The following CYB5R1 variants were observed in gnomAD, a reference collection of about 807,000 sequenced individuals.
CYB5R1 encodes cytochrome b5 reductase 1.
CYB5R1 carries 32 observed loss-of-function variants against 37.4 expected under a neutral mutation model. The observed-to-expected ratio is 0.86, with a 90% CI of 0.65 to 1.15. CYB5R1 has a LOEUF of 1.15. Ranked by LOEUF, CYB5R1 falls within the 50% of genes most tolerant of loss-of-function variation. The pLI is 0.00. For synonymous variants in CYB5R1, 159 were observed against 155.2 expected (o/e 1.02, Z -0.18); for missense variants, 345 against 382.5 (o/e 0.90, Z 0.82).
In CYB5R1 at chr1:202,965,886, C is replaced by A. The variant is rs1403986974; in HGVS notation, c.345+1G>T. The A allele has an allele frequency of 6.2e-7, 1 of 1,603,798 alleles. No individual in the cohort carries two copies. Among genetic ancestry groups the A allele is most frequent in the Non-Finnish European group, 8.5e-7 (1 of 1,170,616 alleles). ...CCCTGGGTCCCTTCCTAGCCCCTTA[C>A]CTTGATGACAAGATCCACATAGCCT... On this transcript the variant is annotated splice_donor_variant, in intron 4 of 8. Transcript: ENST00000367249. LOFTEE classifies it high-confidence loss of function.
rs770048767 is a variant in CYB5R1, at chr1:202,965,402, C to T, written c.444G>A (p.Gly148=). 1.2e-6 allele frequency: 2 copies of T among 1,600,294 alleles called. No homozygotes were observed. Among genetic ancestry groups the T allele is most frequent in the Non-Finnish European group, 1.7e-6 (2 of 1,173,606 alleles). ...LKVGDVVEFR[G]PSGLLTYTGK... ...CAGTGTAAGTGAGCAACCCGCTTGGCCCCCGAAACTCCACCACATCCCCAA... is the reference window on the plus strand; with the variant it reads ...CAGTGTAAGTGAGCAACCCGCTTGGTCCCCGAAACTCCACCACATCCCCAA... Residue 148 remains glycine, a synonymous_variant, in exon 5 of 9, where the codon GGG becomes GGA. Transcript: ENST00000367249.
intron 8 of CYB5R1, 68 bp from the exon 9 acceptor site, chr1:202,962,767 G>A: frequency 6.4e-7 from 1 of 1,564,866 alleles, no homozygotes; most frequent in Non-Finnish European, 8.7e-7. Flanking sequence ...GTGGTGCCAT[G>A]AGACTGGGGA....
At position 202,964,743 on chromosome 1, in the gene CYB5R1, C is replaced by A. The variant is rs775870278; in HGVS notation, c.476-48G>T. On this transcript the variant is annotated intron_variant, in intron 5 of 8. Transcript: ENST00000367249. ...CAGTGGAAGAATAAAGTCAATACAG[C>A]GAACTTAGAAAACAAATGCAGAGTT... The A allele has an allele frequency of 6.6e-6, 9 of 1,371,274 alleles. No homozygotes were observed. In the African/African-American group the frequency reaches 8.6e-5, roughly 13 times the overall value. 84.9% of individuals were successfully genotyped at this position (1,371,274 alleles called of 1,614,324 possible). A position where few individuals can be genotyped will look rare whatever the true frequency, so the allele number is the denominator to read the frequency against.
intron 8 of CYB5R1, 66 bp from the exon 9 acceptor site, chr1:202,962,765 A>G (rs1571576399): frequency 4.4e-6 from 7 of 1,579,158 alleles, no homozygotes; most frequent in East Asian, 2.3e-5. Flanking sequence ...GTGTGGTGCC[A>G]TGAGACTGGG....
Position 202,962,573 on chromosome 1 carries a change from T to C in CYB5R1, c.872A>G (p.Asn291Ser), listed in dbSNP as rs1038934709. The C allele has an allele frequency of 2.5e-6, 4 of 1,613,518 alleles. No individual in the cohort carries two copies. The highest frequency in any genetic ancestry group is 3.4e-6 in the Non-Finnish European group (4 of 1,179,832). Residue 291 changes from asparagine to serine, a missense_variant, in exon 9 of 9, where the codon AAC (asparagine) becomes AGC (serine). Coordinates refer to ENST00000367249, the MANE Select transcript of CYB5R1 (RefSeq NM_016243.3). ...PPMVQLACHPNLDKLGYSQKM... is the reference protein window; with the variant it reads ...PPMVQLACHPSLDKLGYSQKM... ...TTGTGAGTAGCCCAGTTTGTCCAAG[T>C]TGGGATGGCAGGCCAGCTGCACCAT...
Position 202,962,379 on chromosome 1 carries a change from T to G in CYB5R1, c.*148A>C. Reference sequence around the variant, plus strand: ...TGGCCCTCTTCCATGGCTACAGGAATATTGTTCCTGCAGGTACTATCCAGA... The same window carrying G: ...TGGCCCTCTTCCATGGCTACAGGAAGATTGTTCCTGCAGGTACTATCCAGA... On this transcript the variant is annotated 3_prime_UTR_variant, in exon 9 of 9. Transcript: ENST00000367249. 1 of 989,104 alleles carries G rather than the reference T, an allele frequency of 1.0e-6. No individual in the cohort carries two copies. The highest frequency in any genetic ancestry group is 2.5e-5 in the East Asian group (1 of 40,010). 61.3% of individuals were successfully genotyped at this position (989,104 alleles called of 1,614,324 possible).
chr1:202,966,919 G>C (rs201743342), intron 1 of CYB5R1, 21 bp from the exon 2 acceptor site: 13 of 1,584,480 alleles, frequency 8.2e-6, no homozygotes, highest in Non-Finnish European at 1.1e-5. Flanking sequence ...AGGAGGCAGC[G>C]TGACCGCCAG....
chr1:202,966,031 T>C (rs768408779), intron 3 of CYB5R1, 38 bp from the exon 4 acceptor site: 1 of 1,329,234 alleles, frequency 7.5e-7, no homozygotes, highest in Non-Finnish European at 1.1e-6. Flanking sequence ...GGGTTGTCTG[T>C]GATGTGCTGC....
At chr1:202,965,162 C>T (rs1170492062) in intron 5 of CYB5R1, 1 of 579,890 alleles carries the variant, frequency 1.7e-6, no homozygotes, top group Non-Finnish European at 3.0e-6. Flanking sequence ...GCTGCCATGG[C>T]TAGGGAATTC....
At chr1:202,964,732 A>C (rs1323254814) in intron 5 of CYB5R1, 37 bp from the exon 6 acceptor site, 6 of 1,443,644 alleles carry the variant, frequency 4.2e-6, no homozygotes, top group Admixed American at 1.7e-5. Context: ...GGAAGAATAA[A>C]GTCAATACAG....
rs745850686 is a variant in CYB5R1, at chr1:202,966,793, G to C, written c.121C>G (p.Leu41Val). The change falls in exon 2 of 9, where the codon CTG becomes GTG. Residue 41 changes from leucine to valine, a missense_variant. Transcript: ENST00000367249. The stretch of plus-strand genomic sequence containing the variant: ...AGCAGGTACTTTTCATTGGGGTCCA[G>C]GAGAGTGACCTGAGGCCGGCGGGAC... ...RRSRRPQVTL[L>V]DPNEKYLLRL... The C allele has an allele frequency of 1.9e-6, 3 of 1,614,192 alleles. No individual in the cohort carries two copies. The East Asian group carries it at 6.7e-5, about 36-fold the overall frequency.
intron 3 of CYB5R1, 31 bp downstream of exon 3, chr1:202,966,497 G>A: frequency 6.2e-7 from 1 of 1,610,012 alleles, no homozygotes; most frequent in Non-Finnish European, 8.5e-7. Context: ...GAGGATACCA[G>A]GGAAAGGAGC....
At chr1:202,963,781 C>A in intron 6 of CYB5R1, 54 bp from the exon 7 acceptor site, 1 of 1,310,360 alleles carries the variant, frequency 7.6e-7, no homozygotes, top group Non-Finnish European at 1.1e-6. Context: ...CTGCCCTGTC[C>A]TGGCTCCTTA....
chr1:202,963,633 C>T lies in CYB5R1; in HGVS notation c.645+9G>A. 3 of 1,596,424 alleles carry T rather than the reference C, an allele frequency of 1.9e-6. No individual in the cohort carries two copies. Among genetic ancestry groups the T allele is most frequent in the Non-Finnish European group, 2.6e-6 (3 of 1,169,394 alleles). On this transcript the variant is annotated intron_variant, in intron 7 of 8. Transcript: ENST00000367249. ...TTTGAAGTCTTAGGGTGGAGGAAAA[C>T]AAACCAACCTGGTTGGCAAAAAGCA...
At chr1:202,964,455 A>G (rs1360503275) in intron 6 of CYB5R1, 157 bp downstream of exon 6, 1 of 652,944 alleles carries the variant, frequency 1.5e-6, no homozygotes, top group African/African-American at 1.8e-5. Flanking sequence ...CCTGCTTATG[A>G]TTTTGTTTTT....
chr1:202,965,557 A>C, intron 4 of CYB5R1, 57 bp from the exon 5 acceptor site: 1 of 1,530,708 alleles, frequency 6.5e-7, no homozygotes, highest in Non-Finnish European at 8.8e-7. Context: ...TCTGAGCCCC[A>C]TGTTGACTAA....
Position 202,962,561 on chromosome 1 carries a change from A to C in CYB5R1, c.884T>G (p.Leu295Arg). The C allele has an allele frequency of 6.2e-7, 1 of 1,613,158 alleles. No individual in the cohort carries two copies. The highest frequency in any genetic ancestry group is 8.5e-7 in the Non-Finnish European group (1 of 1,179,604). The change falls in exon 9 of 9, where the codon CTG becomes CGG. Residue 295 changes from leucine to arginine, a missense_variant. Transcript: ENST00000367249. ...GAATCGCATCTTTTGTGAGTAGCCC[A>C]GTTTGTCCAAGTTGGGATGGCAGGC... ...QLACHPNLDK[L>R]GYSQKMRFTY
At chr1:202,963,793 C>T in intron 6 of CYB5R1, 66 bp from the exon 7 acceptor site, 1 of 1,070,792 alleles carries the variant, frequency 9.3e-7, no homozygotes, top group Non-Finnish European at 1.3e-6. Context: ...GGCTCCTTAG[C>T]TGACCAGCCC....
At chr1:202,963,869 C>CCTG in intron 6 of CYB5R1, 142 bp from the exon 7 acceptor site, 2 of 488,942 alleles carry the variant, frequency 4.1e-6, no homozygotes, top group Admixed American at 4.0e-5. Context: ...ATCCTCTAAA[C>CCTG]TCTTCCTGCA....
Sources: allele counts gnomAD v4.1 joint callset, GRCh38; gene constraint gnomAD v4.1.1; transcripts MANE v1.5; gene names NCBI Gene and HGNC (gene_info 2026-07-23, HGNC 2026-07-21).